CPPED1: variants seen among roughly 807,000 people sequenced by gnomAD.
The protein encoded by CPPED1 is serine/threonine-protein phosphatase CPPED1.
Under a neutral mutation model 28.0 loss-of-function variants are expected in CPPED1, and 28 were observed. The ratio of observed to expected loss-of-function variants is 1.00; its 90% CI spans 0.74 to 1.37. CPPED1 has a LOEUF of 1.37. Among genes scored for constraint, CPPED1 ranks in the 40% most tolerant of loss-of-function variants. The pLI, the probability that CPPED1 is intolerant of heterozygous loss-of-function variation, is 0.00. For missense variants in CPPED1, 504 were observed against 416.5 expected, an observed-to-expected ratio of 1.21 and a Z score of -1.83; for synonymous variants, 198 against 180.2, an observed-to-expected ratio of 1.10 and a Z score of -0.79.
At chr16:12,704,565 G>C (rs1369036595) in intron 3 of CPPED1, 59 bp downstream of exon 3, 1 of 1,505,410 alleles carries the variant, frequency 6.6e-7, no homozygotes, top group African/African-American at 1.4e-5. Flanking sequence ...AGAAAGATCT[G>C]GAAATGCCCT....
rs540456583 is a variant in CPPED1 at position 12,790,703 on chromosome 16, G to A, written c.71-9300C>T. ...TGGGAGGCCGAGTGGCGGGGCGGGG[G>A]TTGGATCATGAGGTCAAGAGATCGA... On this transcript the variant is annotated intron_variant, in intron 1 of 3. Coordinates refer to ENST00000381774, the MANE Select transcript of CPPED1 (RefSeq NM_018340.3). Among the ~76,000 whole-genome samples the A allele has an allele frequency of 2.6e-5, 4 of 152,040 alleles. No individual in the cohort carries two copies. In the East Asian group the frequency reaches 5.8e-4, roughly 22 times the overall value.
intron 2 of CPPED1, among the ~76,000 whole-genome samples, chr16:12,765,640 TAAAG>T (rs1177562345): frequency 6.6e-6 from 1 of 152,110 alleles, no homozygotes; most frequent in Non-Finnish European, 1.5e-5. Context: ...AAATAATATA[TAAAG>T]AAAGAAGGGA....
intron 1 of CPPED1, among the ~76,000 whole-genome samples, chr16:12,784,352 T>C (rs979584681): frequency 7.2e-5 from 11 of 152,188 alleles, no homozygotes; most frequent in Admixed American, 7.2e-4. Flanking sequence ...TGAAGCCTTA[T>C]AAGACTCTGT....
chr16:12,722,400 T>A (rs886428670), intron 2 of CPPED1, among the ~76,000 whole-genome samples: 1 of 152,192 alleles, frequency 6.6e-6, no homozygotes, highest in Non-Finnish European at 1.5e-5. Context: ...CAGTTTGCAA[T>A]GAGGAAGAAT....
intron 3 of CPPED1, among the ~76,000 whole-genome samples, chr16:12,683,037 G>C (rs906167571): frequency 4.6e-5 from 7 of 152,222 alleles, no homozygotes; most frequent in Non-Finnish European, 7.3e-5. Context: ...AGACGTGGCG[G>C]CCAGCCACGG....
intron 2 of CPPED1, among the ~76,000 whole-genome samples, chr16:12,748,223 G>A (rs1191978873): frequency 1.3e-5 from 2 of 152,084 alleles, no homozygotes; most frequent in East Asian, 3.9e-4. Flanking sequence ...CCCAAACACA[G>A]CACAATGGTT....
chr16:12,753,277 G>T (rs746024645), intron 2 of CPPED1: 1 of 152,132 alleles, frequency 6.6e-6, no homozygotes, highest in African/African-American at 2.4e-5. Flanking sequence ...TCTGTCCCCA[G>T]CAGAGCTAAT....
intron 2 of CPPED1, among the ~76,000 whole-genome samples, chr16:12,711,374 T>G (rs985386052): frequency 3.3e-5 from 5 of 152,154 alleles, no homozygotes; most frequent in African/African-American, 4.8e-5. Context: ...AGAGTTTCCA[T>G]TTTGCAAGAT....
At chr16:12,679,030 C>T (rs1015564593) in intron 3 of CPPED1, among the ~76,000 whole-genome samples, 3 of 152,124 alleles carry the variant, frequency 2.0e-5, no homozygotes, top group Admixed American at 6.5e-5. Flanking sequence ...AAAACATAAT[C>T]AATTTAAATA....
chr16:12,781,498 C>G (rs1199840051), intron 1 of CPPED1, 95 bp from the exon 2 acceptor site: 1 of 1,100,836 alleles, frequency 9.1e-7, no homozygotes, highest in Non-Finnish European at 1.3e-6. Flanking sequence ...CACTATTTTT[C>G]TTAAATTAAG....
rs1390543010 is a variant in CPPED1 at position 12,800,409 on chromosome 16, G to C, written c.70+3298C>G. Among the ~76,000 whole-genome samples, 51 of 150,084 alleles carry C rather than the reference G, an allele frequency of 3.4e-4. 1 individual carries two copies. In the Admixed American group the frequency reaches 3.4e-3, roughly 10 times the overall value. On this transcript the variant is annotated intron_variant, in intron 1 of 3. Coordinates refer to ENST00000381774, the MANE Select transcript of CPPED1 (RefSeq NM_018340.3). The stretch of plus-strand genomic sequence containing the variant: ...GTAGCATCACTGCACTGCAGTCTGG[G>C]TGACAGAGCTAGACTCTGTCTCAAA...
chr16:12,793,294 G>A (rs2080607431), intron 1 of CPPED1, among the ~76,000 whole-genome samples: 1 of 152,338 alleles, frequency 6.6e-6, no homozygotes, highest in African/African-American at 2.4e-5. Flanking sequence ...GCCAGTGGGT[G>A]GGGCTGTGGA....
chr16:12,731,381 A>T (rs2080196601), intron 2 of CPPED1, among the ~76,000 whole-genome samples: 1 of 151,128 alleles, frequency 6.6e-6, no homozygotes, highest in African/African-American at 2.4e-5. Context: ...TTTTAATTAA[A>T]AAAAAAAAAG....
At chr16:12,710,642 A>G (rs1003293350) in intron 2 of CPPED1, among the ~76,000 whole-genome samples, 1 of 152,222 alleles carries the variant, frequency 6.6e-6, no homozygotes, top group Non-Finnish European at 1.5e-5. Flanking sequence ...AAACTCAACA[A>G]CCACTAAAAC....
At chr16:12,738,624 C>CT (rs2080238888) in intron 2 of CPPED1, among the ~76,000 whole-genome samples, 1 of 152,080 alleles carries the variant, frequency 6.6e-6, no homozygotes, top group Non-Finnish European at 1.5e-5. Flanking sequence ...GCAAAATCTC[C>CT]TAGCAAAGTG....
At chr16:12,680,401 ACTG>A (rs1467640185) in intron 3 of CPPED1, among the ~76,000 whole-genome samples, 1 of 151,658 alleles carries the variant, frequency 6.6e-6, no homozygotes, top group Non-Finnish European at 1.5e-5. Context: ...CTGCCCCCAC[ACTG>A]CTATGTAAAA....
At chr16:12,786,098 G>A (rs1000816308) in intron 1 of CPPED1, among the ~76,000 whole-genome samples, 5 of 152,232 alleles carry the variant, frequency 3.3e-5, no homozygotes, top group Admixed American at 2.6e-4. Flanking sequence ...GACAAGGTGA[G>A]GGTTACCTGA....
chr16:12,691,913 T>C lies in CPPED1; in HGVS notation c.715+12711A>G, dbSNP rs538212755. Among the ~76,000 whole-genome samples, 10 of 151,318 alleles carry C rather than the reference T, an allele frequency of 6.6e-5. 1 individual carries two copies. In the South Asian group the frequency reaches 2.1e-3, roughly 32 times the overall value. On this transcript the variant is annotated intron_variant, in intron 3 of 3. Coordinates refer to ENST00000381774, the MANE Select transcript of CPPED1 (RefSeq NM_018340.3). ...CACCAACATGGCACATGTATACGTA[T>C]GTAACAAACCTGCACATTGTTCACA... is the stretch of plus-strand genomic sequence containing the variant.
At chr16:12,722,992 A>G (rs1168314335) in intron 2 of CPPED1, among the ~76,000 whole-genome samples, 3 of 152,062 alleles carry the variant, frequency 2.0e-5, no homozygotes, top group Non-Finnish European at 2.9e-5. Flanking sequence ...CCTCACCCCT[A>G]TTTCAGGAGT....
Sources: allele counts gnomAD v4.1 joint callset (sites outside exome capture counted in the v4.1 genomes callset), GRCh38; gene constraint gnomAD v4.1.1; transcripts MANE v1.5; gene names NCBI Gene and HGNC (gene_info 2026-07-23, HGNC 2026-07-21).